MRTFA: variants seen among roughly 807,000 people sequenced by gnomAD.
MRTFA encodes myocardin related transcription factor A.
MRTFA carries 20 observed loss-of-function variants against 83.5 expected under a neutral mutation model. That is an observed-to-expected ratio of 0.24 (90% CI 0.17 to 0.35). The LOEUF (loss-of-function observed/expected upper bound fraction) is 0.35. MRTFA is among the 10% of genes least tolerant of loss of function. MRTFA has a pLI of 1.00. For synonymous variants in MRTFA, 659 were observed against 541.2 expected, an observed-to-expected ratio of 1.22 and a Z score of -3.02; for missense variants, 1,200 against 1,224.7, an observed-to-expected ratio of 0.98 and a Z score of 0.30.
chr22:40,423,001 G>A (rs917421378), intron 9 of MRTFA, among the ~76,000 whole-genome samples: 3 of 152,182 alleles, frequency 2.0e-5, no homozygotes, highest in Non-Finnish European at 4.4e-5. Flanking sequence ...CTGTGGAGCA[G>A]GGAGGACTCT....
chr22:40,529,257 G>T (rs1183959529), intron 3 of MRTFA, among the ~76,000 whole-genome samples: 1 of 152,168 alleles, frequency 6.6e-6, no homozygotes, highest in Non-Finnish European at 1.5e-5. Flanking sequence ...TTAAAAAAAT[G>T]CAGGAATTTT....
In MRTFA at chr22:40,617,657, G is replaced by A. The variant is rs966812509; in HGVS notation, c.-84+18821C>T. On this transcript the variant is annotated intron_variant, in intron 1 of 14. Transcript: ENST00000355630. Reference sequence around the variant, plus strand: ...CAGGAGAATGGCATGAACCCGGGAGGCGGAGCTTGCAGTGAGCCGAGATCT... The same window carrying A: ...CAGGAGAATGGCATGAACCCGGGAGACGGAGCTTGCAGTGAGCCGAGATCT... 9.3e-5 allele frequency among the ~76,000 whole-genome samples: 14 copies of A among 150,082 alleles called. 1 individual carries two copies. Among genetic ancestry groups the A allele is most frequent in the African/African-American group, 2.9e-4 (12 of 40,704 alleles).
rs757522554 is a variant in MRTFA, at chr22:40,419,089, G to A, written c.1649C>T (p.Thr550Met). ...CGAGGGGGTGGGAGACACGGGGGGC[G>A]TGGAGCCCGTGCTGCCAAACTTCAC... The change falls in exon 12 of 15, where the codon ACG (threonine) becomes ATG (methionine). Residue 550 changes from threonine to methionine, a missense_variant. Coordinates refer to ENST00000355630, the MANE Select transcript of MRTFA (RefSeq NM_020831.6). The A allele has an allele frequency of 3.2e-5, 51 of 1,600,030 alleles. No individual in the cohort carries two copies. The highest frequency in any genetic ancestry group is 3.7e-5 in the Non-Finnish European group (43 of 1,173,894).
intron 4 of MRTFA, among the ~76,000 whole-genome samples, chr22:40,436,947 C>G (rs1211250865): frequency 1.3e-5 from 2 of 152,118 alleles, no homozygotes; most frequent in African/African-American, 4.8e-5. Context: ...CCACCCCCAG[C>G]GGGGGGCTGG....
intron 2 of MRTFA, among the ~76,000 whole-genome samples, chr22:40,578,515 T>G (rs1430401561): frequency 6.6e-6 from 1 of 152,022 alleles, no homozygotes; most frequent in African/African-American, 2.4e-5. Flanking sequence ...ACCTATAATC[T>G]CATCGACTCA....
chr22:40,500,620 A>G (rs2147221368), intron 3 of MRTFA, among the ~76,000 whole-genome samples: 1 of 152,078 alleles, frequency 6.6e-6, no homozygotes, highest in South Asian at 2.1e-4. Flanking sequence ...GCCTTCAAGC[A>G]TCTGTTTAAC....
At chr22:40,607,431 G>C (rs908277667) in intron 1 of MRTFA, among the ~76,000 whole-genome samples, 2 of 151,014 alleles carry the variant, frequency 1.3e-5, no homozygotes, top group Non-Finnish European at 2.9e-5. Flanking sequence ...GTGAGCCTGA[G>C]AGTCGGAGCT....
At chr22:40,586,186 G>T (rs1014942942) in intron 2 of MRTFA, among the ~76,000 whole-genome samples, 3 of 150,694 alleles carry the variant, frequency 2.0e-5, no homozygotes, top group African/African-American at 7.3e-5. Flanking sequence ...CTAGGCTCAA[G>T]TGAAACAAGC....
At chr22:40,498,331 A>C (rs1373401683) in intron 3 of MRTFA, among the ~76,000 whole-genome samples, 8 of 108,956 alleles carry the variant, frequency 7.3e-5, no homozygotes, top group Non-Finnish European at 1.4e-4. Context: ...GTAGCTCAGG[A>C]TGGAGTACAG....
intron 1 of MRTFA, among the ~76,000 whole-genome samples, chr22:40,634,862 A>G (rs1413759681): frequency 6.6e-6 from 1 of 152,196 alleles, no homozygotes; most frequent in African/African-American, 2.4e-5. Context: ...GAAACTCTCC[A>G]ATAAATACTT....
intron 14 of MRTFA, among the ~76,000 whole-genome samples, chr22:40,414,169 T>C (rs2147055926): frequency 6.6e-6 from 1 of 152,086 alleles, no homozygotes; most frequent in Admixed American, 6.5e-5. Flanking sequence ...TGAAACCCCG[T>C]CTCTACTAAA....
chr22:40,628,825 A>G (rs1362017152), intron 1 of MRTFA, among the ~76,000 whole-genome samples: 1 of 152,190 alleles, frequency 6.6e-6, no homozygotes, highest in Non-Finnish European at 1.5e-5. Context: ...TCCTCCCACT[A>G]AACAATGAGA....
At chr22:40,636,425 G>C (rs1003199559) in intron 1 of MRTFA, 53 bp downstream of exon 1, 2 of 152,262 alleles carry the variant, frequency 1.3e-5, no homozygotes, top group African/African-American at 4.8e-5. Context: ...GGATGCTCCA[G>C]GCGGGGCGAG....
At chr22:40,601,261 C>T (rs922058051) in intron 1 of MRTFA, among the ~76,000 whole-genome samples, 1 of 152,108 alleles carries the variant, frequency 6.6e-6, no homozygotes, top group African/African-American at 2.4e-5. Flanking sequence ...ATTGTGCAGA[C>T]TGGATCACAG....
chr22:40,633,800 T>C (rs1339917949), intron 1 of MRTFA, among the ~76,000 whole-genome samples: 4 of 152,104 alleles, frequency 2.6e-5, no homozygotes, highest in African/African-American at 4.8e-5. Flanking sequence ...TTGCAATAGA[T>C]GTAGTAAAAT....
intron 11 of MRTFA, 71 bp downstream of exon 11, chr22:40,420,334 A>C: frequency 6.5e-7 from 1 of 1,541,356 alleles, no homozygotes; most frequent in Non-Finnish European, 8.8e-7. Context: ...CTGCCTAAAA[A>C]CCAGCACCCA....
chr22:40,571,193 G>A (rs1426210962), intron 2 of MRTFA, among the ~76,000 whole-genome samples: 1 of 151,936 alleles, frequency 6.6e-6, no homozygotes, highest in African/African-American at 2.4e-5. Context: ...GGCGACAGGA[G>A]TGAGACCCTC....
At chr22:40,473,803 G>A (rs2053951811) in intron 3 of MRTFA, among the ~76,000 whole-genome samples, 1 of 152,096 alleles carries the variant, frequency 6.6e-6, no homozygotes, top group South Asian at 2.1e-4. Flanking sequence ...TATCCTATAT[G>A]CCTGAAAAAT....
chr22:40,490,335 T>G (rs2054251126), intron 3 of MRTFA, among the ~76,000 whole-genome samples: 1 of 152,160 alleles, frequency 6.6e-6, no homozygotes, highest in Admixed American at 6.5e-5. Context: ...GCGCGATGGC[T>G]CACGCCTGTA....
Sources: allele counts gnomAD v4.1 joint callset (sites outside exome capture counted in the v4.1 genomes callset), GRCh38; gene constraint gnomAD v4.1.1; transcripts MANE v1.5; gene names NCBI Gene and HGNC (gene_info 2026-07-23, HGNC 2026-07-21).